MAML2: variants seen among roughly 807,000 people sequenced by gnomAD.
MAML2 encodes mastermind-like protein 2.
Under a neutral mutation model 96.1 loss-of-function variants are expected in MAML2, and 22 were observed. The ratio of observed to expected loss-of-function variants is 0.23; its 90% CI spans 0.16 to 0.33. MAML2 has a LOEUF of 0.33. MAML2 is among the 10% of genes least tolerant of loss of function. MAML2 has a pLI of 1.00. For missense variants in MAML2, 1,367 were observed against 1,392.4 expected, an observed-to-expected ratio of 0.98 and a Z score of 0.29; for synonymous variants, 561 against 521.3, an observed-to-expected ratio of 1.08 and a Z score of -1.04.
chr11:96,052,085 T>C (rs1858998586), intron 2 of MAML2, among the ~76,000 whole-genome samples: 2 of 152,320 alleles, frequency 1.3e-5, no homozygotes, highest in Middle Eastern at 3.4e-3. Flanking sequence ...CTGTATTGCT[T>C]GCAAAATGCT....
chr11:96,141,406 A>C (rs974841250), intron 1 of MAML2, among the ~76,000 whole-genome samples: 9 of 152,204 alleles, frequency 5.9e-5, no homozygotes, highest in African/African-American at 2.2e-4. Flanking sequence ...CCCTATGCAC[A>C]GATAGTTCTT....
At chr11:96,201,521 T>G (rs553414383) in intron 1 of MAML2, among the ~76,000 whole-genome samples, 2 of 152,320 alleles carry the variant, frequency 1.3e-5, no homozygotes, top group South Asian at 4.1e-4. Context: ...AGGACCTATT[T>G]GTAGACAAAA....
rs1862591209 is a variant in MAML2, at chr11:96,252,177, ACACACACACACACACACCC to A, written c.513+89187_513+89205del. The stretch of plus-strand genomic sequence containing the variant: ...GAAATATGTGCTTCTCTCTCTCTAC[ACACACACACACACACACCC>A]CACACACACACAGACATGTACAATA... On this transcript the variant is annotated intron_variant, in intron 1 of 4. Transcript: ENST00000524717. 2.0e-5 allele frequency among the ~76,000 whole-genome samples: 3 copies of A among 148,144 alleles called. No homozygotes were observed. The South Asian group carries it at 6.2e-4, about 31-fold the overall frequency.
intron 1 of MAML2, among the ~76,000 whole-genome samples, chr11:96,232,598 T>A (rs922345937): frequency 1.3e-5 from 2 of 152,060 alleles, no homozygotes; most frequent in Admixed American, 6.5e-5. Context: ...GCCTCCCGAG[T>A]AGCTGGGACT....
rs201479908 is a variant in MAML2, at chr11:95,991,738, G to A, written c.2140-15C>T. ...GAGTGTTGATCCTAAAGAAGAGAAA[G>A]GGGGAAGGAAAAGCTACTGTGAATT... On this transcript the variant is annotated splice_polypyrimidine_tract_variant and intron_variant, in intron 2 of 4. Coordinates refer to ENST00000524717, the MANE Select transcript of MAML2 (RefSeq NM_032427.4). 31 of 1,606,998 alleles carry A rather than the reference G, an allele frequency of 1.9e-5. No homozygotes were observed. The highest frequency in any genetic ancestry group is 2.5e-5 in the Non-Finnish European group (29 of 1,174,082).
chr11:96,238,598 C>T (rs1355933923), intron 1 of MAML2, among the ~76,000 whole-genome samples: 2 of 152,178 alleles, frequency 1.3e-5, no homozygotes, highest in South Asian at 2.1e-4. Context: ...AAAGTTTGAT[C>T]CCATTGTAGC....
intron 1 of MAML2, among the ~76,000 whole-genome samples, chr11:96,335,845 C>T (rs563232221): frequency 6.6e-6 from 1 of 152,234 alleles, no homozygotes; most frequent in South Asian, 2.1e-4. Flanking sequence ...TCAAGCACTG[C>T]TCTGTTCCCC....
At chr11:96,165,298 A>G (rs923857432) in intron 1 of MAML2, among the ~76,000 whole-genome samples, 4 of 152,114 alleles carry the variant, frequency 2.6e-5, no homozygotes, top group Non-Finnish European at 5.9e-5. Context: ...TCTTAATCCC[A>G]GTTTCCGATG....
chr11:96,113,184 A>AAAAC (rs1555011414), intron 1 of MAML2, among the ~76,000 whole-genome samples: 63 of 148,276 alleles, frequency 4.2e-4, no homozygotes, highest in African/African-American at 1.2e-3. Context: ...AAAAAAAAAA[A>AAAAC]AAAAAACTTT....
At chr11:96,314,004 G>C (rs1454220682) in intron 1 of MAML2, among the ~76,000 whole-genome samples, 1 of 152,160 alleles carries the variant, frequency 6.6e-6, no homozygotes, top group African/African-American at 2.4e-5. Flanking sequence ...AATTCATCTG[G>C]TGTTTCTGCT....
intron 1 of MAML2, among the ~76,000 whole-genome samples, chr11:96,119,794 TATC>T (rs1413429853): frequency 6.6e-6 from 1 of 152,208 alleles, no homozygotes; most frequent in African/African-American, 2.4e-5. Context: ...TCAAATCACT[TATC>T]ATGATTTGTA....
At chr11:96,015,038 A>G (rs1858322230) in intron 2 of MAML2, among the ~76,000 whole-genome samples, 1 of 152,208 alleles carries the variant, frequency 6.6e-6, no homozygotes, top group Admixed American at 6.5e-5. Flanking sequence ...TCCATTTTAT[A>G]GATGAGAGAA....
chr11:96,018,113 G>A (rs770309295), intron 2 of MAML2, among the ~76,000 whole-genome samples: 3 of 152,128 alleles, frequency 2.0e-5, no homozygotes, highest in Non-Finnish European at 4.4e-5. Context: ...AGTCTCTGAC[G>A]GTAGAGCCAC....
chr11:96,246,834 G>A lies in MAML2; in HGVS notation c.513+94549C>T, dbSNP rs115942351. On this transcript the variant is annotated intron_variant, in intron 1 of 4. Transcript: ENST00000524717. ...GAGGAAACCGTTGTGGACACACACAGCATTTGTCAATTACGAATGGAGAAC... is the reference window on the plus strand; with the variant it reads ...GAGGAAACCGTTGTGGACACACACAACATTTGTCAATTACGAATGGAGAAC... Among the ~76,000 whole-genome samples, 598 of 152,236 alleles carry A rather than the reference G, an allele frequency of 3.9e-3. 5 individuals carry two copies. The highest frequency in any genetic ancestry group is 0.014 in the African/African-American group (572 of 41,546).
At chr11:96,126,098 T>C (rs962294935) in intron 1 of MAML2, among the ~76,000 whole-genome samples, 7 of 152,222 alleles carry the variant, frequency 4.6e-5, no homozygotes, top group Admixed American at 6.5e-5. Flanking sequence ...TGCTGACTTA[T>C]AAGCCCTAAC....
chr11:96,040,183 G>C (rs1179392726), intron 2 of MAML2, among the ~76,000 whole-genome samples: 3 of 152,080 alleles, frequency 2.0e-5, no homozygotes, highest in Non-Finnish European at 2.9e-5. Context: ...GACAGATAAA[G>C]CAGACATAAA....
intron 1 of MAML2, among the ~76,000 whole-genome samples, chr11:96,189,964 C>T (rs12802319): frequency 0.078 from 11,904 of 152,128 alleles, 547 homozygotes; most frequent in Non-Finnish European, 0.1. Context: ...AAGTAGGTGT[C>T]ACTAGATGAC....
chr11:96,204,631 T>C (rs2135933536), intron 1 of MAML2, among the ~76,000 whole-genome samples: 1 of 152,328 alleles, frequency 6.6e-6, no homozygotes, highest in East Asian at 1.9e-4. Context: ...TTAAGAGGTC[T>C]CACCAAAGAC....
At chr11:96,240,573 A>G (rs886715246) in intron 1 of MAML2, among the ~76,000 whole-genome samples, 14 of 147,944 alleles carry the variant, frequency 9.5e-5, no homozygotes, top group Non-Finnish European at 1.7e-4. Context: ...AAAAAAAAAA[A>G]AAAAAAAAAA....
Sources: allele counts gnomAD v4.1 joint callset (sites outside exome capture counted in the v4.1 genomes callset), GRCh38; gene constraint gnomAD v4.1.1; transcripts MANE v1.5; gene names NCBI Gene and HGNC (gene_info 2026-07-23, HGNC 2026-07-21).